Variants in GALNT17 observed in about 807,000 individuals in gnomAD.
The protein encoded by GALNT17 is UDP-GalNAc:polypeptide N-acetylgalactosaminyltransferase-like 3.
In GALNT17, 29 loss-of-function variants were observed where a neutral mutation model predicts 63.7. That is an observed-to-expected ratio of 0.46 (90% CI 0.34 to 0.62). The LOEUF (loss-of-function observed/expected upper bound fraction) is 0.62. GALNT17 is among the 20% of genes least tolerant of loss of function. GALNT17 has a pLI of 0.01. For synonymous variants in GALNT17, 305 were observed against 318.3 expected, an observed-to-expected ratio of 0.96 and a Z score of 0.45; for missense variants, 603 against 799.6, an observed-to-expected ratio of 0.75 and a Z score of 2.97.
At chr7:71,335,467 C>G (rs1791881652) in intron 1 of GALNT17, 83 bp from the exon 2 acceptor site, 1 of 1,309,220 alleles carries the variant, frequency 7.6e-7, no homozygotes, top group Non-Finnish European at 1.0e-6. Flanking sequence ...GTTAAAATGT[C>G]TGTTGAAGCT....
At chr7:71,541,016 A>G (rs1788881737) in intron 5 of GALNT17, among the ~76,000 whole-genome samples, 1 of 152,072 alleles carries the variant, frequency 6.6e-6, no homozygotes, top group African/African-American at 2.4e-5. Flanking sequence ...AGGTGGGCAG[A>G]TCACTTGAGG....
intron 5 of GALNT17, among the ~76,000 whole-genome samples, chr7:71,459,851 A>G (rs1287196218): frequency 6.6e-6 from 1 of 152,220 alleles, no homozygotes; most frequent in Non-Finnish European, 1.5e-5. Flanking sequence ...AGCTGCTATG[A>G]GACTTCAAAA....
intron 6 of GALNT17, among the ~76,000 whole-genome samples, chr7:71,633,378 G>A (rs376072359): frequency 6.6e-6 from 1 of 152,118 alleles, no homozygotes; most frequent in East Asian, 1.9e-4. Flanking sequence ...CCCTGCAAAG[G>A]GGCAGACTGA....
intron 1 of GALNT17, among the ~76,000 whole-genome samples, chr7:71,321,838 C>CTCCTTCCT (rs1344810956): frequency 1.4e-5 from 2 of 142,570 alleles, no homozygotes; most frequent in South Asian, 2.3e-4. Flanking sequence ...AGCTCCCTCC[C>CTCCTTCCT]TCCTTCCTTC....
At chr7:71,278,451 C>T (rs980179057) in intron 1 of GALNT17, among the ~76,000 whole-genome samples, 4 of 152,224 alleles carry the variant, frequency 2.6e-5, no homozygotes, top group Non-Finnish European at 4.4e-5. Context: ...CTAGACATTC[C>T]TTGGCAGGTA....
intron 1 of GALNT17, among the ~76,000 whole-genome samples, chr7:71,304,698 T>A (rs1242052262): frequency 6.6e-6 from 1 of 152,194 alleles, no homozygotes; most frequent in Admixed American, 6.5e-5. Flanking sequence ...TGGAAAGTGG[T>A]CTGCTAAGTG....
chr7:71,281,728 T>C (rs904461106), intron 1 of GALNT17, among the ~76,000 whole-genome samples: 5 of 152,224 alleles, frequency 3.3e-5, no homozygotes, highest in African/African-American at 1.2e-4. Flanking sequence ...AAAATCGTGT[T>C]GGTTTTGAAT....
intron 1 of GALNT17, among the ~76,000 whole-genome samples, chr7:71,243,211 C>A (rs9654904): frequency 6.6e-6 from 1 of 152,090 alleles, no homozygotes; most frequent in Admixed American, 6.5e-5. Flanking sequence ...CCATGTGAGA[C>A]GTGCTTCTTC....
chr7:71,712,056 G>A lies in GALNT17; in HGVS notation c.1707G>A (p.Leu569=). 1.9e-6 allele frequency: 3 copies of A among 1,614,076 alleles called. No individual in the cohort carries two copies. Among genetic ancestry groups the A allele is most frequent in the Non-Finnish European group, 2.5e-6 (3 of 1,179,994 alleles). ...TGAACAAGGGCACGGGACGCTGCCT[G>A]GAGGTGGAGAACCGGGGCCTGGCTG... ...AIMNKGTGRC[L]EVENRGLAGI... The change falls in exon 11 of 11, where the codon CTG becomes CTA. Residue 569 remains leucine, a synonymous_variant. Transcript: ENST00000333538.
At chr7:71,277,622 C>T (rs779441071) in intron 1 of GALNT17, among the ~76,000 whole-genome samples, 10 of 152,182 alleles carry the variant, frequency 6.6e-5, no homozygotes, top group Non-Finnish European at 1.2e-4. Context: ...TTCTGAGACA[C>T]TGCCACTGCG....
rs187283824 is a variant in GALNT17, at chr7:71,219,012, A to T, written c.238+85972A>T. ...CTGTGGACAAATTATCTTCTATGAA[A>T]CTTGTCCCTGGTGCCAAAAAGGTTG... On this transcript the variant is annotated intron_variant, in intron 1 of 10. Transcript: ENST00000333538. Among the ~76,000 whole-genome samples, 5 of 152,236 alleles carry T rather than the reference A, an allele frequency of 3.3e-5. No homozygotes were observed. In the East Asian group the frequency reaches 7.7e-4, roughly 24 times the overall value.
At chr7:71,503,474 C>T (rs1268549941) in intron 5 of GALNT17, among the ~76,000 whole-genome samples, 1 of 152,028 alleles carries the variant, frequency 6.6e-6, no homozygotes, top group Non-Finnish European at 1.5e-5. Flanking sequence ...TGACCTCAAG[C>T]GATCTGCCCA....
chr7:71,305,956 C>T (rs1458065852), intron 1 of GALNT17, among the ~76,000 whole-genome samples: 11 of 152,192 alleles, frequency 7.2e-5, no homozygotes, highest in Admixed American at 1.3e-4. Flanking sequence ...TGGTGGCCCA[C>T]GCCTGTAATC....
chr7:71,382,119 C>G (rs1461871135), intron 2 of GALNT17, among the ~76,000 whole-genome samples: 3 of 152,110 alleles, frequency 2.0e-5, no homozygotes, highest in African/African-American at 7.2e-5. Flanking sequence ...GTGGCTCACG[C>G]CTGTAATCCT....
intron 3 of GALNT17, among the ~76,000 whole-genome samples, chr7:71,415,236 A>G (rs1288023811): frequency 1.3e-5 from 2 of 152,298 alleles, no homozygotes; most frequent in South Asian, 2.1e-4. Flanking sequence ...CCGTTAGCCC[A>G]TATGTGACCT....
chr7:71,283,132 A>G (rs762276390), intron 1 of GALNT17, among the ~76,000 whole-genome samples: 1 of 128,620 alleles, frequency 7.8e-6, no homozygotes, highest in Non-Finnish European at 1.6e-5. Flanking sequence ...CCTAGGGTCA[A>G]GTGATCCTCC....
At chr7:71,590,846 G>T (rs1789786783) in intron 6 of GALNT17, among the ~76,000 whole-genome samples, 1 of 152,060 alleles carries the variant, frequency 6.6e-6, no homozygotes, top group African/African-American at 2.4e-5. Flanking sequence ...TCCAGCCTCA[G>T]CCTCCCAAGT....
Position 71,471,419 on chromosome 7 carries a change from A to AC in GALNT17, c.962+50314_962+50315insC, listed in dbSNP as rs796504023. Among the ~76,000 whole-genome samples, 719 of 145,236 alleles carry AC rather than the reference A, an allele frequency of 5.0e-3. 6 individuals carry two copies. Among genetic ancestry groups the AC allele is most frequent in the East Asian group, 0.033 (140 of 4,306 alleles). ...TTTTCCAAAAAAAAAAAAAAACAAA[A>AC]AAAACCAAAAACCATATTTGGCTCT... On this transcript the variant is annotated intron_variant, in intron 5 of 10. Transcript: ENST00000333538.
intron 5 of GALNT17, among the ~76,000 whole-genome samples, chr7:71,544,124 C>CTTTTTTTTT (rs60144462): frequency 3.0e-5 from 4 of 132,446 alleles, no homozygotes; most frequent in African/African-American, 8.6e-5. Flanking sequence ...TTTCTTTTTT[C>CTTTTTTTTT]TTTTTTTTTT....
Sources: gnomAD v4.1 joint callset for allele counts (sites outside exome capture counted in the v4.1 genomes callset) on GRCh38, gnomAD v4.1.1 for gene constraint, MANE v1.5 for transcripts, NCBI Gene and HGNC (gene_info 2026-07-23, HGNC 2026-07-21) for gene names.